Variants in UBQLN4 observed in about 807,000 individuals in gnomAD.
UBQLN4 encodes the protein ubiquilin-4.
UBQLN4 carries 11 observed loss-of-function variants against 60.4 expected under a neutral mutation model. That is an observed-to-expected ratio of 0.18 (90% CI 0.11 to 0.30). The LOEUF is 0.30. Among genes scored for constraint, UBQLN4 ranks in the 10% least tolerant of loss-of-function variants. The pLI, the probability that UBQLN4 is intolerant of heterozygous loss-of-function variation, is 1.00. For missense variants in UBQLN4, 417 were observed against 795.5 expected (o/e 0.52, Z 5.72); for synonymous variants, 258 against 313.1 (o/e 0.82, Z 1.86).
intron 5 of UBQLN4, among the ~76,000 whole-genome samples, chr1:156,044,993 C>T (rs1683661492): frequency 1.3e-5 from 2 of 152,144 alleles, no homozygotes; most frequent in African/African-American, 4.8e-5. Flanking sequence ...GGTCCATACC[C>T]CATGGGATGG....
rs1295367493 is a variant in UBQLN4, at chr1:156,044,109, T to C, written c.1015A>G (p.Thr339Ala). The C allele has an allele frequency of 3.8e-6, 6 of 1,586,442 alleles. No individual in the cohort carries two copies. In the South Asian group the frequency reaches 5.8e-5, roughly 15 times the overall value. The change falls in exon 6 of 11, where the codon ACC (threonine) becomes GCC (alanine). Residue 339 changes from threonine to alanine, a missense_variant. Physicochemically the swap from Thr to Ala is moderately conservative, Grantham distance 58 (BLOSUM62 0). Transcript: ENST00000368309. ...CCACCGGACCCGGGGGCCTGGGAGG[T>C]GGGGGGCGAGGGGCTCCAGGGGTTA... ...LPNPWSPSPP[T>A]SQAPGSGGEG...
chr1:156,033,179 C>T, downstream of UBQLN4: 15 of 983,490 alleles, frequency 1.5e-5, no homozygotes, highest in Non-Finnish European at 1.8e-5. Flanking sequence ...ACAAGGCATC[C>T]GACTCTGGAG....
intron 7 of UBQLN4, 47 bp downstream of exon 7, chr1:156,042,727 A>G: frequency 1.9e-6 from 3 of 1,598,024 alleles, no homozygotes; most frequent in Non-Finnish European, 1.7e-6. Flanking sequence ...CCCCCAACCA[A>G]GAGGAACTCT....
downstream of UBQLN4, among the ~76,000 whole-genome samples, chr1:156,032,948 A>C (rs1683321118): frequency 6.6e-6 from 1 of 152,184 alleles, no homozygotes; most frequent in South Asian, 2.1e-4. Context: ...GAGGAAGAGG[A>C]GGAGGACCAG....
At chr1:156,053,130 T>G (rs1042009202) in intron 1 of UBQLN4, among the ~76,000 whole-genome samples, 1 of 152,164 alleles carries the variant, frequency 6.6e-6, no homozygotes, top group African/African-American at 2.4e-5. Flanking sequence ...CCACGTCGAT[T>G]TGAAAGAGTG....
chr1:156,048,477 C>A lies in UBQLN4; in HGVS notation c.900+24G>T. 1 of 1,595,640 alleles carries A rather than the reference C, an allele frequency of 6.3e-7. No homozygotes were observed. On this transcript the variant is annotated intron_variant, in intron 5 of 10. Coordinates refer to ENST00000368309, the MANE Select transcript of UBQLN4 (RefSeq NM_020131.5). This position sits in a 1 kb window ranked among gnomAD's most constrained non-coding sequence, Gnocchi z 4.9. The stretch of plus-strand genomic sequence containing the variant: ...AATCTCGAGCCCAGACAGCCCAACC[C>A]ACTACCCTGGCCCTTGATCCCACCT...
At chr1:156,053,523 G>A in intron 1 of UBQLN4, 71 bp downstream of exon 1, 2 of 1,067,854 alleles carry the variant, frequency 1.9e-6, no homozygotes, top group Middle Eastern at 3.4e-4. Flanking sequence ...ACGCCGGACC[G>A]TCAGAGAGGC....
At chr1:156,043,919 C>T (rs1333420005) in intron 6 of UBQLN4, 79 bp downstream of exon 6, 2 of 1,433,160 alleles carry the variant, frequency 1.4e-6, no homozygotes, top group Non-Finnish European at 1.9e-6. Context: ...AATCCTGGAG[C>T]AGTATGAACC....
At chr1:156,042,626 A>C in intron 7 of UBQLN4, 148 bp downstream of exon 7, 1 of 1,255,594 alleles carries the variant, frequency 8.0e-7, no homozygotes, top group South Asian at 1.6e-5. Flanking sequence ...AGGCTAAATA[A>C]CTTGCTTAAC....
At position 156,041,905 on chromosome 1, in the gene UBQLN4, G is replaced by A. The variant is rs1176657612; in HGVS notation, c.1433C>T (p.Thr478Ile). Residue 478 changes from threonine to isoleucine, a missense_variant, in exon 9 of 11, where the codon ACC (threonine) becomes ATC (isoleucine). By Grantham distance (89) the Thr-to-Ile change is moderately conservative. Coordinates refer to ENST00000368309, the MANE Select transcript of UBQLN4 (RefSeq NM_020131.5). ...CAGCCCAGGGGCCTCGGTCTGCAAG[G>A]TCTGTAGTCCCTGCTGGATCTGCAG... ...ALLQIQQGLQ[T>I]LQTEAPGLVP... is the part of the protein sequence containing the mutation. 9 of 1,613,956 alleles carry A rather than the reference G, an allele frequency of 5.6e-6. No homozygotes were observed. The highest frequency in any genetic ancestry group is 7.6e-6 in the Non-Finnish European group (9 of 1,179,972).
At chr1:156,038,457 C>T (rs777349795) in intron 10 of UBQLN4, among the ~76,000 whole-genome samples, 2 of 151,922 alleles carry the variant, frequency 1.3e-5, no homozygotes, top group Admixed American at 6.6e-5. Context: ...GTCAGGAGTT[C>T]GAGACCAGAC....
chr1:156,042,265 C>A (rs1324392480), intron 7 of UBQLN4, 29 bp from the exon 8 acceptor site: 8 of 1,553,324 alleles, frequency 5.2e-6, no homozygotes, highest in Middle Eastern at 1.7e-4. Context: ...CAGGGGGAGA[C>A]CTGGGCCTTT....
downstream of UBQLN4, chr1:156,033,369 T>A (rs1269312008): frequency 1.1e-6 from 1 of 887,190 alleles, no homozygotes; most frequent in Non-Finnish European, 1.4e-6. Flanking sequence ...GCCTGATGAT[T>A]CCAGGTTTTT....
rs527992247 is a variant in UBQLN4, at chr1:156,046,974, T to C, written c.900+1527A>G. Among the ~76,000 whole-genome samples, 35 of 152,198 alleles carry C rather than the reference T, an allele frequency of 2.3e-4. 2 individuals carry two copies. The highest frequency in any genetic ancestry group is 2.0e-3 in the Admixed American group (31 of 15,274). The stretch of plus-strand genomic sequence containing the variant: ...CAGAATGATAAACCCCAACTTCAAC[T>C]TCAGCATACTAGTTACCTCTGGAAA... On this transcript the variant is annotated intron_variant, in intron 5 of 10. Coordinates refer to ENST00000368309, the MANE Select transcript of UBQLN4 (RefSeq NM_020131.5).
chr1:156,051,366 C>T, intron 2 of UBQLN4, 39 bp from the exon 3 acceptor site: 2 of 1,544,846 alleles, frequency 1.3e-6, no homozygotes, highest in Non-Finnish European at 8.8e-7. Flanking sequence ...GGAGTGAGCA[C>T]TAGAAGAGGG....
chr1:156,037,472 T>C (rs1262156913), intron 10 of UBQLN4, among the ~76,000 whole-genome samples: 1 of 152,062 alleles, frequency 6.6e-6, no homozygotes, highest in Non-Finnish European at 1.5e-5. Flanking sequence ...GTGGGCGCCC[T>C]GTAGTCCCAG....
downstream of UBQLN4, among the ~76,000 whole-genome samples, chr1:156,034,215 T>C (rs1032152910): frequency 6.6e-6 from 1 of 151,866 alleles, no homozygotes. Flanking sequence ...TTAGTGGTAA[T>C]GCCAGGTTTA....
At chr1:156,033,513 T>G (rs183813986), downstream of UBQLN4, among the ~76,000 whole-genome samples, 6 of 152,188 alleles carry the variant, frequency 3.9e-5, no homozygotes, top group East Asian at 1.2e-3. Context: ...CTGGGCAACA[T>G]GGTGAAATCC....
downstream of UBQLN4, among the ~76,000 whole-genome samples, chr1:156,034,735 A>G (rs1259103435): frequency 4.8e-5 from 7 of 147,144 alleles, no homozygotes; most frequent in East Asian, 2.0e-4. Flanking sequence ...CAGATACCCA[A>G]TGGTCTGATG....
Sources: allele counts gnomAD v4.1 joint callset (sites outside exome capture counted in the v4.1 genomes callset), GRCh38; gene constraint gnomAD v4.1.1; non-coding constraint Gnocchi (gnomAD v3.1); transcripts MANE v1.5; gene names NCBI Gene and HGNC (gene_info 2026-07-23, HGNC 2026-07-21).